The following B4GALNT3 variants were observed in gnomAD, a reference collection of about 807,000 sequenced individuals.
B4GALNT3 encodes beta-1,4-N-acetylgalactosaminyltransferase 3.
B4GALNT3 carries 86 observed loss-of-function variants against 120.2 expected under a neutral mutation model. The ratio of observed to expected loss-of-function variants is 0.72; its 90% CI spans 0.60 to 0.86. B4GALNT3 has a LOEUF of 0.86. B4GALNT3 is among the 40% of genes least tolerant of loss of function. The pLI, the probability that B4GALNT3 is intolerant of heterozygous loss-of-function variation, is 0.00. For missense variants in B4GALNT3, 1,167 were observed against 1,298.9 expected (o/e 0.90, Z 1.56); for synonymous variants, 518 against 510.4 (o/e 1.01, Z -0.20).
rs991610873 is a variant in B4GALNT3 at position 562,201 on chromosome 12, C to T, written c.*750C>T. On this transcript the variant is annotated 3_prime_UTR_variant, in exon 20 of 20. Transcript: ENST00000266383. This position sits in a 1 kb window ranked among gnomAD's most constrained non-coding sequence, Gnocchi z 5.2. Reference sequence around the variant, plus strand: ...GCTGGCGGGCAGGGGGCTTGCCACTCCCTGGCACTGGACATTGAGGCCTGC... The same window carrying T: ...GCTGGCGGGCAGGGGGCTTGCCACTTCCTGGCACTGGACATTGAGGCCTGC... 1.3e-5 allele frequency: 2 copies of T among 152,414 alleles called. No individual in the cohort carries two copies. The highest frequency in any genetic ancestry group is 4.8e-5 in the African/African-American group (2 of 41,442). The allele number at this position is 152,414 out of a possible 1,614,324, so 9.4% of individuals were successfully genotyped here.
At chr12:473,044 C>T (rs909613994) in intron 1 of B4GALNT3, among the ~76,000 whole-genome samples, 2 of 151,698 alleles carry the variant, frequency 1.3e-5, no homozygotes. Context: ...TAGTGGTTCA[C>T]TGCAGCCTCG....
intron 1 of B4GALNT3, among the ~76,000 whole-genome samples, chr12:530,923 G>A (rs1477612058): frequency 6.6e-6 from 1 of 152,126 alleles, no homozygotes; most frequent in African/African-American, 2.4e-5. Flanking sequence ...TGCTTTATCT[G>A]TCACCTGAGA....
At chr12:541,841 A>AC (rs371768004) in intron 3 of B4GALNT3, among the ~76,000 whole-genome samples, 307 of 59,198 alleles carry the variant, frequency 5.2e-3, no homozygotes, top group African/African-American at 8.7e-3. Flanking sequence ...CCCCCCCCTC[A>AC]CCCCCCCCCA....
chr12:484,582 C>T (rs1946272737), intron 1 of B4GALNT3, among the ~76,000 whole-genome samples: 1 of 152,120 alleles, frequency 6.6e-6, no homozygotes, highest in African/African-American at 2.4e-5. Flanking sequence ...CTCTGAAGGG[C>T]AGTCAAGGTA....
Position 544,932 on chromosome 12 carries a change from T to A in B4GALNT3, c.498T>A (p.Tyr166Ter). 6.8e-6 allele frequency: 11 copies of A among 1,614,068 alleles called. No homozygotes were observed. The highest frequency in any genetic ancestry group is 9.3e-6 in the Non-Finnish European group (11 of 1,179,992). The change falls in exon 5 of 20, where the codon TAT (tyrosine) becomes TAA (stop). Residue 166 changes from tyrosine to a stop codon, truncating the protein, a stop_gained. Coordinates refer to ENST00000266383, the MANE Select transcript of B4GALNT3 (RefSeq NM_173593.4). LOFTEE classifies it high-confidence loss of function. ...CTGTGTCCCCCAAATGGACCAACTA[T>A]GGCCTCCGCATCTTTGGCTACCTGC... ...KLAVSPKWTNYGLRIFGYLHP... is the reference protein window; with the variant it reads ...KLAVSPKWTN
intron 1 of B4GALNT3, among the ~76,000 whole-genome samples, chr12:512,893 ACCTTCCG>A: frequency 1.0e-5 from 1 of 96,750 alleles, no homozygotes; most frequent in South Asian, 3.6e-4. Context: ...TCCACCTTCT[ACCTTCCG>A]CCTTCCGCTT....
At chr12:535,441 G>A (rs771878810) in intron 2 of B4GALNT3, among the ~76,000 whole-genome samples, 172 bp downstream of exon 2, 2 of 152,174 alleles carry the variant, frequency 1.3e-5, no homozygotes, top group African/African-American at 4.8e-5. Flanking sequence ...CCTTAGAGAT[G>A]TCCATCCAGC....
At chr12:470,924 T>C (rs1946130110) in intron 1 of B4GALNT3, among the ~76,000 whole-genome samples, 1 of 151,684 alleles carries the variant, frequency 6.6e-6, no homozygotes, top group Admixed American at 6.6e-5. Context: ...TTTTTAGGTT[T>C]CGCCATGTTG....
intron 13 of B4GALNT3, chr12:552,846 A>G: frequency 2.0e-6 from 1 of 496,106 alleles, no homozygotes; most frequent in Non-Finnish European, 3.6e-6. Context: ...TGGTTTAGAG[A>G]AGCACTGTCT....
intron 1 of B4GALNT3, among the ~76,000 whole-genome samples, chr12:463,675 C>A (rs1946048481): frequency 6.6e-6 from 1 of 152,220 alleles, no homozygotes; most frequent in African/African-American, 2.4e-5. Flanking sequence ...CACAGCTCTC[C>A]CAACTAATAT....
At chr12:509,582 G>A (rs377606519) in intron 1 of B4GALNT3, among the ~76,000 whole-genome samples, 1 of 131,474 alleles carries the variant, frequency 7.6e-6, no homozygotes, top group Admixed American at 7.5e-5. Context: ...CCTAGTTCAA[G>A]AGAGTCTTAT....
At chr12:546,231 G>A (rs1947006278) in intron 6 of B4GALNT3, among the ~76,000 whole-genome samples, 1 of 115,172 alleles carries the variant, frequency 8.7e-6, no homozygotes, top group African/African-American at 3.3e-5. Flanking sequence ...TGGGAGGAGG[G>A]GAGTGGGGAG....
intron 3 of B4GALNT3, among the ~76,000 whole-genome samples, chr12:543,426 T>C (rs377256305): frequency 0.081 from 7,840 of 96,238 alleles, 179 homozygotes; most frequent in Middle Eastern, 0.15. Context: ...GGTGCTCATC[T>C]TCCCGGAGCT....
At chr12:537,615 C>G (rs917220445) in intron 3 of B4GALNT3, among the ~76,000 whole-genome samples, 12 of 152,208 alleles carry the variant, frequency 7.9e-5, no homozygotes, top group Non-Finnish European at 1.6e-4. Flanking sequence ...TTAACATACA[C>G]AAGATTACCT....
chr12:553,184 T>G lies in B4GALNT3; in HGVS notation c.1271-10T>G. ...CTCTTGACATGAGGAATGGTTGTTA[T>G]TAATAGCAGGTTTTGAGGAAAACCT... On this transcript the variant is annotated splice_polypyrimidine_tract_variant and intron_variant, in intron 13 of 19. Transcript: ENST00000266383. 1 of 1,608,220 alleles carries G rather than the reference T, an allele frequency of 6.2e-7. No individual in the cohort carries two copies. The highest frequency in any genetic ancestry group is 8.5e-7 in the Non-Finnish European group (1 of 1,175,950).
Position 549,843 on chromosome 12 carries a change from G to T in B4GALNT3, c.928G>T (p.Ala310Ser). The change falls in exon 10 of 20, where the codon GCT (alanine) becomes TCT (serine). Residue 310 changes from alanine (A) to serine (S), a missense_variant. By Grantham distance (99) the Ala-to-Ser change is moderately conservative (BLOSUM62 1). Coordinates refer to ENST00000266383, the MANE Select transcript of B4GALNT3 (RefSeq NM_173593.4). ...AGCCAGCCACGTGGACTCCTCCAACGCTCTTCCCAGGGATGAGCAGCCGCC... is the reference window on the plus strand; with the variant it reads ...AGCCAGCCACGTGGACTCCTCCAACTCTCTTCCCAGGGATGAGCAGCCGCC... ...TAASHVDSSNALPRDEQPPAD... is the reference protein window; with the variant it reads ...TAASHVDSSNSLPRDEQPPAD... 1 of 1,613,794 alleles carries T rather than the reference G, an allele frequency of 6.2e-7. No homozygotes were observed. The highest frequency in any genetic ancestry group is 8.5e-7 in the Non-Finnish European group (1 of 1,180,042).
In B4GALNT3 at chr12:500,865, CT is replaced by C. The variant is rs55927726; in HGVS notation, c.170-34281del. 5.2e-4 allele frequency among the ~76,000 whole-genome samples: 32 copies of C among 61,814 alleles called. 1 individual carries two copies. The highest frequency in any genetic ancestry group is 0.013 in the Middle Eastern group (1 of 80). 40.6% of individuals were successfully genotyped at this position (61,814 alleles called of 152,430 possible). A position where few individuals can be genotyped will look rare whatever the true frequency, so the allele number is the denominator to read the frequency against. ...CTGAATTTGAATCCTGGCTCCACTG[CT>C]TTTTTTTTTTTTTTTTTTTGACACA... On this transcript the variant is annotated intron_variant, in intron 1 of 19. Coordinates refer to ENST00000266383, the MANE Select transcript of B4GALNT3 (RefSeq NM_173593.4).
intron 3 of B4GALNT3, among the ~76,000 whole-genome samples, chr12:540,119 G>A (rs1946899582): frequency 6.6e-6 from 1 of 152,172 alleles, no homozygotes; most frequent in African/African-American, 2.4e-5. Context: ...GGGTATAGCG[G>A]AAGCAGAGGG....
At chr12:461,991 G>C (rs1946026854) in intron 1 of B4GALNT3, among the ~76,000 whole-genome samples, 1 of 152,178 alleles carries the variant, frequency 6.6e-6, no homozygotes, top group African/African-American at 2.4e-5. Flanking sequence ...GGGCCAGAGA[G>C]CTCAGCACAT....
Sources: gnomAD v4.1 joint callset for allele counts (sites outside exome capture counted in the v4.1 genomes callset) on GRCh38, gnomAD v4.1.1 for gene constraint, Gnocchi (gnomAD v3.1) non-coding constraint, MANE v1.5 for transcripts, NCBI Gene and HGNC (gene_info 2026-07-23, HGNC 2026-07-21) for gene names.